The following TFEC variants were observed in gnomAD, a reference collection of about 807,000 sequenced individuals.
The protein encoded by TFEC is class E basic helix-loop-helix protein 34.
A neutral mutation model predicts 41.6 loss-of-function variants in TFEC; 31 were observed. The ratio of observed to expected loss-of-function variants is 0.74; its 90% CI spans 0.56 to 1.01. The LOEUF is 1.01. TFEC is among the 50% of genes least tolerant of loss of function. TFEC has a pLI of 0.00. For missense variants in TFEC, 402 were observed against 404.1 expected, an observed-to-expected ratio of 0.99 and a Z score of 0.04; for synonymous variants, 143 against 140.6, an observed-to-expected ratio of 1.02 and a Z score of -0.12.
At chr7:116,105,370 A>C (rs914352463) in intron 3 of TFEC, among the ~76,000 whole-genome samples, 1 of 152,232 alleles carries the variant, frequency 6.6e-6, no homozygotes, top group East Asian at 1.9e-4. Context: ...TCTCCAGTTA[A>C]TAGCCTTTCT....
chr7:116,133,943 A>C (rs1798386165), intron 1 of TFEC, among the ~76,000 whole-genome samples: 1 of 152,202 alleles, frequency 6.6e-6, no homozygotes, highest in Non-Finnish European at 1.5e-5. Context: ...AACAACAAAA[A>C]AAAATTAGAT....
intron 1 of TFEC, among the ~76,000 whole-genome samples, chr7:116,115,474 T>C (rs995148116): frequency 2.6e-5 from 4 of 151,944 alleles, no homozygotes; most frequent in African/African-American, 9.7e-5. Context: ...TTCTTTGGCT[T>C]GTGGCCCCTT....
chr7:115,956,909 T>C (rs887878123), intron 3 of TFEC, 116 bp from the exon 4 acceptor site: 2 of 581,708 alleles, frequency 3.4e-6, no homozygotes, highest in African/African-American at 3.9e-5. Flanking sequence ...TAATAATTTC[T>C]AATTTGGGGC....
chr7:116,105,247 G>T (rs1308467632), intron 3 of TFEC, among the ~76,000 whole-genome samples: 1 of 152,136 alleles, frequency 6.6e-6, no homozygotes, highest in African/African-American at 2.4e-5. Flanking sequence ...CCCTACTCTG[G>T]CACAAAACCA....
rs985700182 is a variant in TFEC, at chr7:116,019,826, T to C, written c.-73+10807A>G. Among the ~76,000 whole-genome samples, 7 of 152,300 alleles carry C rather than the reference T, an allele frequency of 4.6e-5. No homozygotes were observed. In the South Asian group the frequency reaches 8.3e-4, roughly 18 times the overall value. On this transcript the variant is annotated intron_variant, in intron 1 of 7. Transcript: ENST00000265440. ...ATCCCTTATGATTAGAATTCCTTAT[T>C]TGATGCATTTTATTGATGAGCTAAC...
chr7:116,056,152 A>G (rs889079608), intron 3 of TFEC, among the ~76,000 whole-genome samples: 1 of 152,106 alleles, frequency 6.6e-6, no homozygotes, highest in Non-Finnish European at 1.5e-5. Context: ...AGACATCATC[A>G]ACAAAAAAGA....
intron 3 of TFEC, among the ~76,000 whole-genome samples, chr7:116,041,425 T>C (rs1241545390): frequency 5.9e-5 from 9 of 152,160 alleles, no homozygotes; most frequent in Non-Finnish European, 5.9e-5. Context: ...GCCAGGAGAT[T>C]TCACTTACAT....
At chr7:116,087,487 T>G (rs1797228339) in intron 3 of TFEC, among the ~76,000 whole-genome samples, 1 of 152,056 alleles carries the variant, frequency 6.6e-6, no homozygotes, top group Admixed American at 6.6e-5. Context: ...AACCACTGTT[T>G]CATAATCCTT....
chr7:116,023,436 T>C (rs879092980), intron 1 of TFEC, among the ~76,000 whole-genome samples: 1 of 152,200 alleles, frequency 6.6e-6, no homozygotes, highest in Non-Finnish European at 1.5e-5. Flanking sequence ...TATTGTGATA[T>C]CAAACTGATT....
chr7:116,156,600 T>A (rs1157741603), intron 1 of TFEC, among the ~76,000 whole-genome samples: 1 of 152,190 alleles, frequency 6.6e-6, no homozygotes, highest in Non-Finnish European at 1.5e-5. Flanking sequence ...TTTTAAGCTA[T>A]CTATTTTTTT....
intron 1 of TFEC, among the ~76,000 whole-genome samples, chr7:116,019,626 T>C (rs1795319323): frequency 6.6e-6 from 1 of 152,172 alleles, no homozygotes; most frequent in Non-Finnish European, 1.5e-5. Context: ...TCTCTATTAT[T>C]GAAACTGAAT....
At chr7:116,025,267 T>C (rs544846197) in intron 1 of TFEC, among the ~76,000 whole-genome samples, 2 of 152,244 alleles carry the variant, frequency 1.3e-5, no homozygotes, top group East Asian at 3.9e-4. Context: ...GGAGAGAATA[T>C]TAAGGAAAAC....
intron 2 of TFEC, among the ~76,000 whole-genome samples, chr7:115,979,799 T>G (rs530701590): frequency 4.3e-4 from 66 of 152,252 alleles, no homozygotes; most frequent in South Asian, 8.3e-4. Context: ...ACCTTCACTT[T>G]CGTATACAAT....
rs1411695650 is a variant in TFEC at position 116,079,753 on chromosome 7, GTCAAAA to G, written c.198+30949_198+30954del. ...TCAATATTGTGAAAATGACCATACT[GTCAAAA>G]TCAATGTACAAACTCAATGTAATTC... is the stretch of plus-strand genomic sequence containing the variant. On this transcript the variant is annotated intron_variant, in intron 3 of 8. Coordinates refer to the TFEC transcript ENST00000484212. 4.6e-5 allele frequency among the ~76,000 whole-genome samples: 7 copies of G among 152,154 alleles called. No homozygotes were observed. The East Asian group carries it at 7.7e-4, about 17-fold the overall frequency.
Position 116,112,039 on chromosome 7 carries a change from C to G in TFEC, c.-68-1G>C. The G allele has an allele frequency of 2.0e-6, 2 of 983,408 alleles. No individual in the cohort carries two copies. Among genetic ancestry groups the G allele is most frequent in the Non-Finnish European group, 1.2e-6 (1 of 827,494 alleles). 60.9% of individuals were successfully genotyped at this position (983,408 alleles called of 1,614,324 possible). ...AGGGAACTAAATCATTGATAGGACT[C>G]TGAAAAGAAAAAAAAAGAGAGAAGT... On this transcript the variant is annotated splice_acceptor_variant, in intron 1 of 8. Transcript: ENST00000484212. LOFTEE classifies it low-confidence loss of function (5UTR_SPLICE).
chr7:116,063,184 T>C (rs149837690), intron 3 of TFEC, among the ~76,000 whole-genome samples: 10 of 152,124 alleles, frequency 6.6e-5, no homozygotes, highest in African/African-American at 1.9e-4. Context: ...GATAATAATA[T>C]GTACTATATA....
At chr7:116,111,407 CT>C (rs1465737851) in intron 2 of TFEC, among the ~76,000 whole-genome samples, 2 of 152,070 alleles carry the variant, frequency 1.3e-5, no homozygotes, top group African/African-American at 4.8e-5. Flanking sequence ...CAATTTCCAG[CT>C]GGTGGAGTGC....
intron 1 of TFEC, among the ~76,000 whole-genome samples, chr7:115,998,892 T>G (rs1794475984): frequency 6.6e-6 from 1 of 152,024 alleles, no homozygotes; most frequent in East Asian, 1.9e-4. Flanking sequence ...AGCTAGAAAC[T>G]TCAATACCCC....
intron 1 of TFEC, among the ~76,000 whole-genome samples, chr7:116,135,781 A>G (rs1798420847): frequency 6.6e-6 from 1 of 152,106 alleles, no homozygotes; most frequent in Admixed American, 6.6e-5. Flanking sequence ...TTAAAAGGGT[A>G]TTACCATAAA....
Sources: allele counts gnomAD v4.1 joint callset (sites outside exome capture counted in the v4.1 genomes callset), GRCh38; gene constraint gnomAD v4.1.1; transcripts MANE v1.5; gene names NCBI Gene and HGNC (gene_info 2026-07-23, HGNC 2026-07-21).